Variants in DNAJB6 observed in about 807,000 individuals in gnomAD.
The protein encoded by DNAJB6 is dnaJ homolog subfamily B member 6.
A neutral mutation model predicts 42.7 loss-of-function variants in DNAJB6; 16 were observed. That is an observed-to-expected ratio of 0.37 (90% CI 0.25 to 0.57). The LOEUF is 0.57. DNAJB6 is among the 20% of genes least tolerant of loss of function. DNAJB6 has a pLI of 0.74. For missense variants in DNAJB6, 347 were observed against 416.8 expected, an observed-to-expected ratio of 0.83 and a Z score of 1.46; for synonymous variants, 170 against 163.5, an observed-to-expected ratio of 1.04 and a Z score of -0.30.
chr7:157,360,075 C>G (rs566021997), intron 2 of DNAJB6, among the ~76,000 whole-genome samples: 1 of 152,174 alleles, frequency 6.6e-6, no homozygotes, highest in Non-Finnish European at 1.5e-5. Flanking sequence ...TTACTCCTCT[C>G]GAATAAGTTA....
At chr7:157,361,453 G>A (rs978750258) in intron 2 of DNAJB6, among the ~76,000 whole-genome samples, 26 of 152,092 alleles carry the variant, frequency 1.7e-4, no homozygotes, top group Admixed American at 8.5e-4. Flanking sequence ...CACTGCGCCC[G>A]GCTGCTACAT....
chr7:157,345,249 C>T (rs958688629), intron 1 of DNAJB6, among the ~76,000 whole-genome samples: 1 of 152,210 alleles, frequency 6.6e-6, no homozygotes, highest in African/African-American at 2.4e-5. Flanking sequence ...CCGCCTCAGC[C>T]TCCCAAAGTG....
Position 157,416,390 on chromosome 7 carries a change from C to A in DNAJB6, c.*292C>A. 1 of 400,028 alleles carries A rather than the reference C, an allele frequency of 2.5e-6. No individual in the cohort carries two copies. Among genetic ancestry groups the A allele is most frequent in the Non-Finnish European group, 4.6e-6 (1 of 217,108 alleles). The allele number at this position is 400,028 out of a possible 1,614,324, so 24.8% of individuals were successfully genotyped here. A position where few individuals can be genotyped will look rare whatever the true frequency, so the allele number is the denominator to read the frequency against. On this transcript the variant is annotated 3_prime_UTR_variant, in exon 10 of 10. Transcript: ENST00000262177. ...TCCGGATCCTCTTCATTCTTTTCGGCTACTCAACCACTCCGCATGCTGCTG... is the reference window on the plus strand; with the variant it reads ...TCCGGATCCTCTTCATTCTTTTCGGATACTCAACCACTCCGCATGCTGCTG...
intron 3 of DNAJB6, among the ~76,000 whole-genome samples, chr7:157,365,140 G>A (rs1021746432): frequency 3.9e-5 from 6 of 152,212 alleles, no homozygotes; most frequent in Admixed American, 3.3e-4. Context: ...TGTGTTTAAA[G>A]GTGGGATTTT....
At chr7:157,368,315 C>T (rs1201813160) in intron 5 of DNAJB6, among the ~76,000 whole-genome samples, 1 of 152,146 alleles carries the variant, frequency 6.6e-6, no homozygotes, top group African/African-American at 2.4e-5. Context: ...AACGTTGTTT[C>T]CCATTGAACA....
intron 8 of DNAJB6, among the ~76,000 whole-genome samples, chr7:157,389,263 T>C (rs1801225240): frequency 1.3e-5 from 2 of 152,246 alleles, no homozygotes; most frequent in African/African-American, 4.8e-5. Context: ...TGATCTTGTT[T>C]TAAGCACTAT....
chr7:157,368,425 A>AG (rs1799947598), intron 5 of DNAJB6, among the ~76,000 whole-genome samples: 1 of 152,202 alleles, frequency 6.6e-6, no homozygotes, highest in South Asian at 2.1e-4. Context: ...ATTGTGTGTG[A>AG]GGACTGTTGT....
chr7:157,391,188 A>T (rs1801323420), intron 8 of DNAJB6, among the ~76,000 whole-genome samples: 1 of 152,152 alleles, frequency 6.6e-6, no homozygotes, highest in African/African-American at 2.4e-5. Context: ...CAGCAGTTGG[A>T]GCAGAAGCTC....
At chr7:157,338,388 C>A (rs1365426193) in intron 1 of DNAJB6, among the ~76,000 whole-genome samples, 1 of 151,530 alleles carries the variant, frequency 6.6e-6, no homozygotes, top group Admixed American at 6.6e-5. Context: ...GGCCAGAGTG[C>A]AGTGGCGCGA....
chr7:157,344,621 TTTA>T (rs1429839646), intron 1 of DNAJB6, among the ~76,000 whole-genome samples: 1 of 152,052 alleles, frequency 6.6e-6, no homozygotes, highest in East Asian at 1.9e-4. Context: ...TAAAAAAAAA[TTTA>T]TTATTTTTGT....
chr7:157,347,054 A>C (rs927254073), intron 1 of DNAJB6, among the ~76,000 whole-genome samples: 3 of 152,032 alleles, frequency 2.0e-5, no homozygotes, highest in Non-Finnish European at 4.4e-5. Context: ...ACGGGGTTTC[A>C]CCGTGTTAGC....
chr7:157,354,297 G>A (rs1332584782), intron 1 of DNAJB6, among the ~76,000 whole-genome samples: 2 of 151,920 alleles, frequency 1.3e-5, no homozygotes, highest in African/African-American at 4.8e-5. Context: ...ACAGGCATGC[G>A]CTACCACGCC....
intron 5 of DNAJB6, chr7:157,381,229 A>G (rs1415702719): frequency 6.6e-6 from 1 of 150,986 alleles, no homozygotes; most frequent in Non-Finnish European, 1.5e-5. Flanking sequence ...AAATGTATCC[A>G]CTCCCTGCTT....
At chr7:157,359,329 C>T (rs958267296) in intron 2 of DNAJB6, among the ~76,000 whole-genome samples, 1 of 152,098 alleles carries the variant, frequency 6.6e-6, no homozygotes, top group African/African-American at 2.4e-5. Flanking sequence ...CTTAGTGGGT[C>T]TGAAGATAGA....
chr7:157,365,585 A>C (rs1161309493), intron 3 of DNAJB6, among the ~76,000 whole-genome samples: 3 of 152,182 alleles, frequency 2.0e-5, no homozygotes, highest in Non-Finnish European at 4.4e-5. Flanking sequence ...ATAATCTTGT[A>C]CTTGGTCGTG....
chr7:157,337,490 CG>C (rs1563101742), intron 1 of DNAJB6: 1 of 151,552 alleles, frequency 6.6e-6, no homozygotes, highest in African/African-American at 2.4e-5. Context: ...TGGGGCTCGG[CG>C]GGGCCGGCAG....
At chr7:157,400,473 G>A (rs547247460) in intron 8 of DNAJB6, among the ~76,000 whole-genome samples, 1 of 152,326 alleles carries the variant, frequency 6.6e-6, no homozygotes, top group South Asian at 2.1e-4. Flanking sequence ...CTCCATCCTG[G>A]TCATCCTTCC....
rs549721674 is a variant in DNAJB6, at chr7:157,347,096, T to C, written c.-27+9952T>C. On this transcript the variant is annotated intron_variant, in intron 1 of 9. Transcript: ENST00000262177. The stretch of plus-strand genomic sequence containing the variant: ...GGTCTTGATCTCCTGACCTCGTGAT[T>C]CGCCTGCCTCGGCCTCCCAAAGTGC... Among the ~76,000 whole-genome samples the C allele has an allele frequency of 4.2e-3, 645 of 152,294 alleles. 5 individuals are homozygous for C. Among genetic ancestry groups the C allele is most frequent in the African/African-American group, 0.015 (615 of 41,574 alleles).
chr7:157,392,512 A>G (rs761191379), intron 8 of DNAJB6, among the ~76,000 whole-genome samples: 21 of 151,940 alleles, frequency 1.4e-4, no homozygotes, highest in Non-Finnish European at 2.2e-4. Flanking sequence ...ACTTTTATTT[A>G]TTTGGAAAGG....
Sources: gnomAD v4.1 joint callset for allele counts (sites outside exome capture counted in the v4.1 genomes callset) on GRCh38, gnomAD v4.1.1 for gene constraint, MANE v1.5 for transcripts, NCBI Gene and HGNC (gene_info 2026-07-23, HGNC 2026-07-21) for gene names.